The following UNC13C variants were observed in gnomAD, a reference collection of about 807,000 sequenced individuals.
UNC13C encodes the protein protein unc-13 homolog C.
UNC13C carries 174 observed loss-of-function variants against 245.4 expected under a neutral mutation model. The ratio of observed to expected loss-of-function variants is 0.71; its 90% CI spans 0.63 to 0.80. The LOEUF is 0.80. UNC13C is among the 30% of genes least tolerant of loss of function. The pLI, the probability that UNC13C is intolerant of heterozygous loss-of-function variation, is 0.00. For missense variants in UNC13C, 2,829 were observed against 2,602.9 expected, an observed-to-expected ratio of 1.09 and a Z score of -1.89; for synonymous variants, 992 against 895.1, an observed-to-expected ratio of 1.11 and a Z score of -1.93.
intron 1 of UNC13C, among the ~76,000 whole-genome samples, chr15:53,990,073 G>A (rs1250678706): frequency 1.3e-5 from 2 of 151,948 alleles, no homozygotes; most frequent in African/African-American, 4.8e-5. Context: ...AAAGCTAAAC[G>A]GGCCATGATA....
chr15:54,572,582 T>G (rs1019303195), intron 30 of UNC13C, among the ~76,000 whole-genome samples: 5 of 151,962 alleles, frequency 3.3e-5, no homozygotes, highest in African/African-American at 9.6e-5. Context: ...CACGCCACCA[T>G]GCCCGGCATT....
At chr15:54,293,191 G>T (rs1228842182) in intron 10 of UNC13C, among the ~76,000 whole-genome samples, 2 of 151,798 alleles carry the variant, frequency 1.3e-5, no homozygotes, top group Non-Finnish European at 2.9e-5. Flanking sequence ...CAGTTTACTT[G>T]CAGATTCCTA....
At chr15:54,160,252 A>G (rs2032921202) in intron 4 of UNC13C, among the ~76,000 whole-genome samples, 1 of 151,572 alleles carries the variant, frequency 6.6e-6, no homozygotes, top group African/African-American at 2.4e-5. Context: ...AGGTCATGGG[A>G]GAAAGTTTAG....
At chr15:54,441,232 T>C (rs991484039) in intron 19 of UNC13C, among the ~76,000 whole-genome samples, 9 of 152,076 alleles carry the variant, frequency 5.9e-5, no homozygotes, top group Non-Finnish European at 1.2e-4. Context: ...AGCCCTGAAA[T>C]CCTAGCCTAG....
At chr15:54,310,702 A>G (rs962357933) in intron 13 of UNC13C, among the ~76,000 whole-genome samples, 3 of 151,396 alleles carry the variant, frequency 2.0e-5, no homozygotes, top group African/African-American at 7.3e-5. Context: ...CTTAACTCTA[A>G]ATTGGCCACC....
At chr15:53,925,531 A>C in the UNC13C span, among the ~76,000 whole-genome samples, 1 of 152,216 alleles carries the variant, frequency 6.6e-6, no homozygotes, top group Non-Finnish European at 1.5e-5. Context: ...CTTGTCTTGC[A>C]GAATAGAAGT....
chr15:54,421,860 C>A (rs2040651646), intron 19 of UNC13C, among the ~76,000 whole-genome samples: 1 of 151,944 alleles, frequency 6.6e-6, no homozygotes, highest in Non-Finnish European at 1.5e-5. Context: ...TCAAGGAATT[C>A]CCAGAATGCT....
At chr15:54,088,592 A>G (rs1176641096) in intron 2 of UNC13C, among the ~76,000 whole-genome samples, 1 of 152,122 alleles carries the variant, frequency 6.6e-6, no homozygotes, top group Non-Finnish European at 1.5e-5. Flanking sequence ...AGGTTTATCT[A>G]CTTCTGGACT....
chr15:54,175,653 C>A (rs2033587233), intron 4 of UNC13C, among the ~76,000 whole-genome samples: 1 of 152,038 alleles, frequency 6.6e-6, no homozygotes, highest in Non-Finnish European at 1.5e-5. Flanking sequence ...GCTGGGACTA[C>A]AGGCACCCAC....
At chr15:54,363,003 C>T (rs1202916573) in intron 17 of UNC13C, among the ~76,000 whole-genome samples, 1 of 152,106 alleles carries the variant, frequency 6.6e-6, no homozygotes, top group Non-Finnish European at 1.5e-5. Context: ...AAAGAAAAGC[C>T]CCACAAGTGC....
chr15:54,206,851 T>C (rs1264140664), intron 4 of UNC13C, among the ~76,000 whole-genome samples: 3 of 152,090 alleles, frequency 2.0e-5, no homozygotes, highest in Admixed American at 2.0e-4. Context: ...TCTTGGCTTA[T>C]GAAATTGCTC....
intron 2 of UNC13C, among the ~76,000 whole-genome samples, chr15:54,061,598 C>A (rs1257085231): frequency 6.6e-6 from 1 of 152,114 alleles, no homozygotes; most frequent in Non-Finnish European, 1.5e-5. Flanking sequence ...AATGGTACAG[C>A]AAGCCCTTTT....
intron 19 of UNC13C, among the ~76,000 whole-genome samples, chr15:54,430,899 C>A (rs1056468088): frequency 1.2e-4 from 18 of 151,638 alleles, no homozygotes; most frequent in Admixed American, 6.6e-5. Context: ...TTGAACAAAT[C>A]TTGCCTCCTT....
At chr15:54,044,594 A>T in intron 2 of UNC13C, 1 of 178,104 alleles carries the variant, frequency 5.6e-6, no homozygotes, top group South Asian at 9.5e-5. Flanking sequence ...CTTTCTCCAC[A>T]TTCTCACCAA....
At chr15:53,883,694 G>C in the UNC13C span, among the ~76,000 whole-genome samples, 29,944 of 152,108 alleles carry the variant, frequency 0.2, 3,406 homozygotes, top group Non-Finnish European at 0.25. Context: ...TATATAATAC[G>C]AATGGTTATT....
intron 1 of UNC13C, among the ~76,000 whole-genome samples, chr15:54,003,822 C>G (rs1287047714): frequency 6.6e-6 from 1 of 152,176 alleles, no homozygotes; most frequent in East Asian, 1.9e-4. Context: ...ACCATCCTGG[C>G]TAACATGGTG....
chr15:54,623,697 C>A, intron 31 of UNC13C, 98 bp from the exon 32 acceptor site: 1 of 1,056,894 alleles, frequency 9.5e-7, no homozygotes, highest in Non-Finnish European at 1.4e-6. Flanking sequence ...GGAGTTAGGG[C>A]ACTATTATTA....
At chr15:54,026,871 A>T (rs921864182) in intron 2 of UNC13C, among the ~76,000 whole-genome samples, 1 of 152,226 alleles carries the variant, frequency 6.6e-6, no homozygotes, top group Non-Finnish European at 1.5e-5. Flanking sequence ...AGCAGTGACA[A>T]ATCATATTTG....
chr15:54,132,074 C>CTTTTTTTT (rs1555420957), intron 2 of UNC13C, among the ~76,000 whole-genome samples: 1 of 110,646 alleles, frequency 9.0e-6, no homozygotes, highest in African/African-American at 3.2e-5. Flanking sequence ...TTTTCTTTTT[C>CTTTTTTTT]TTTTTTTTTT....
Sources: allele counts gnomAD v4.1 joint callset (sites outside exome capture counted in the v4.1 genomes callset), GRCh38; gene constraint gnomAD v4.1.1; transcripts MANE v1.5; gene names NCBI Gene and HGNC (gene_info 2026-07-23, HGNC 2026-07-21).